The following CACNA2D1 variants were observed in gnomAD, a reference collection of about 807,000 sequenced individuals.
CACNA2D1 encodes calcium voltage-gated channel auxiliary subunit alpha2delta 1, also known as voltage-dependent calcium channel subunit alpha-2/delta-1.
Under a neutral mutation model 171.5 loss-of-function variants are expected in CACNA2D1, and 53 were observed. That is an observed-to-expected ratio of 0.31 (90% confidence interval 0.25 to 0.39). CACNA2D1 has a LOEUF of 0.39. Ranked by LOEUF, CACNA2D1 falls within the 10% of genes least tolerant of loss-of-function variation. CACNA2D1 has a pLI of 1.00. For synonymous variants in CACNA2D1, 442 were observed against 443.1 expected (o/e 1.00, Z 0.03); for missense variants, 903 against 1,299.8 (o/e 0.69, Z 4.69).
At chr7:82,127,434 A>C (rs1467020222) in intron 5 of CACNA2D1, among the ~76,000 whole-genome samples, 1 of 152,226 alleles carries the variant, frequency 6.6e-6, no homozygotes, top group African/African-American at 2.4e-5. Flanking sequence ...CTTCACAAAC[A>C]CTATGAAAAT....
intron 3 of CACNA2D1, among the ~76,000 whole-genome samples, chr7:82,209,133 C>T (rs1800308878): frequency 6.6e-6 from 1 of 152,150 alleles, no homozygotes; most frequent in African/African-American, 2.4e-5. Flanking sequence ...TGCAAACATA[C>T]ACACAGAGAG....
At chr7:82,185,501 AGGGGG>A in intron 3 of CACNA2D1, among the ~76,000 whole-genome samples, 1 of 7,350 alleles carries the variant, frequency 1.4e-4, no homozygotes, top group Admixed American at 1.8e-3. Flanking sequence ...GGGGGAGGGG[AGGGGG>A]AGGGGGAGGA....
At chr7:82,207,098 C>A (rs765068791) in intron 3 of CACNA2D1, among the ~76,000 whole-genome samples, 5 of 152,176 alleles carry the variant, frequency 3.3e-5, no homozygotes, top group Non-Finnish European at 5.9e-5. Flanking sequence ...ATGGGAGTAT[C>A]CCTGGCCCCA....
At chr7:82,411,647 C>A (rs1034098954) in intron 1 of CACNA2D1, among the ~76,000 whole-genome samples, 1 of 152,064 alleles carries the variant, frequency 6.6e-6, no homozygotes, top group South Asian at 2.1e-4. Flanking sequence ...TACAGGTATG[C>A]GGACACCTTG....
chr7:82,132,561 C>A (rs759288715), intron 5 of CACNA2D1, among the ~76,000 whole-genome samples: 1 of 152,148 alleles, frequency 6.6e-6, no homozygotes, highest in Non-Finnish European at 1.5e-5. Context: ...TTGCCTCTCT[C>A]CTCTAATCTA....
At chr7:82,184,223 T>A (rs1797442589) in intron 3 of CACNA2D1, among the ~76,000 whole-genome samples, 1 of 151,016 alleles carries the variant, frequency 6.6e-6, no homozygotes, top group Non-Finnish European at 1.5e-5. Context: ...TATCACATTC[T>A]GTGGCAAAGA....
intron 21 of CACNA2D1, 40 bp downstream of exon 21, chr7:81,991,145 C>T: frequency 1.0e-6 from 1 of 953,974 alleles, no homozygotes; most frequent in Non-Finnish European, 1.7e-6. Flanking sequence ...TAATATTAAT[C>T]CATTGGAATA....
chr7:82,285,920 T>C (rs549288162), intron 3 of CACNA2D1, among the ~76,000 whole-genome samples: 1 of 152,254 alleles, frequency 6.6e-6, no homozygotes, highest in East Asian at 1.9e-4. Context: ...TATTTGTAGA[T>C]CAATGATTAA....
Position 82,005,464 on chromosome 7 carries a change from G to T in CACNA2D1, c.1549C>A (p.Pro517Thr). 6.3e-7 allele frequency: 1 copy of T among 1,593,412 alleles called. No homozygotes were observed. Among genetic ancestry groups the T allele is most frequent in the Non-Finnish European group, 8.6e-7 (1 of 1,167,660 alleles). ...CPNGYYFAID[P>T]NGYVLLHPNL... is the part of the protein sequence containing the mutation. ...GGATGTAATAAAACATAACCATTAG[G>T]ATCGATTGCAAAGTAATACCCATTG... is the stretch of plus-strand genomic sequence containing the variant. The change falls in exon 18 of 39, where the codon CCT becomes ACT. Residue 517 changes from proline (P) to threonine (T), a missense_variant. Around this residue, in one of 5 missense-constraint regions of CACNA2D1, gnomAD observed 623 missense variants for 925.5 expected, o/e 0.67. Transcript: ENST00000356860.
Position 82,011,998 on chromosome 7 carries a change from G to A in CACNA2D1, c.1362+156C>T, listed in dbSNP as rs1022982905. ...ACTACATACGAGTCTATGTTTTTAT[G>A]TAAATTATATAAATTCTAGGAAAGA... On this transcript the variant is annotated intron_variant, in intron 15 of 38. Transcript: ENST00000356860. 4.1e-5 allele frequency: 27 copies of A among 651,728 alleles called. No individual in the cohort carries two copies. In the Admixed American group the frequency reaches 4.7e-4, roughly 11 times the overall value. The allele number at this position is 651,728 out of a possible 1,614,324, so 40.4% of individuals were successfully genotyped here.
intron 4 of CACNA2D1, among the ~76,000 whole-genome samples, chr7:82,152,211 C>T (rs990922331): frequency 3.3e-5 from 5 of 151,792 alleles, no homozygotes; most frequent in Admixed American, 6.6e-5. Context: ...ATGAAAACCA[C>T]ATTTATATTA....
chr7:82,114,218 C>G (rs939222082), intron 6 of CACNA2D1, among the ~76,000 whole-genome samples: 1 of 151,992 alleles, frequency 6.6e-6, no homozygotes, highest in Non-Finnish European at 1.5e-5. Flanking sequence ...AATTTACGTT[C>G]AAATTTGTGA....
intron 6 of CACNA2D1, among the ~76,000 whole-genome samples, chr7:82,089,441 C>G (rs1042893724): frequency 1.3e-5 from 2 of 152,138 alleles, no homozygotes; most frequent in Admixed American, 6.5e-5. Flanking sequence ...ATGTCCAAGG[C>G]CAAGCCTACT....
chr7:82,005,286 C>T, intron 18 of CACNA2D1, 137 bp downstream of exon 18: 1 of 677,828 alleles, frequency 1.5e-6, no homozygotes, highest in South Asian at 1.7e-5. Context: ...TCCTTGTCAT[C>T]TAAGAAGAGA....
chr7:82,417,817 G>T (rs1334234502), intron 1 of CACNA2D1, among the ~76,000 whole-genome samples: 1 of 152,142 alleles, frequency 6.6e-6, no homozygotes, highest in Non-Finnish European at 1.5e-5. Flanking sequence ...CTATAAAAAG[G>T]GGGAGATCAG....
chr7:82,245,685 C>CACTCACACACAT (rs1554479450), intron 3 of CACNA2D1, among the ~76,000 whole-genome samples: 1 of 151,818 alleles, frequency 6.6e-6, no homozygotes, highest in African/African-American at 2.4e-5. Flanking sequence ...CACACACACA[C>CACTCACACACAT]ACAGAATTTA....
At chr7:82,000,697 A>G (rs987825749) in intron 18 of CACNA2D1, among the ~76,000 whole-genome samples, 1 of 148,824 alleles carries the variant, frequency 6.7e-6, no homozygotes, top group African/African-American at 2.5e-5. Flanking sequence ...TACTGGGTCC[A>G]AGCGATTCTG....
chr7:82,187,898 A>T (rs764216442), intron 3 of CACNA2D1, among the ~76,000 whole-genome samples: 4 of 152,170 alleles, frequency 2.6e-5, no homozygotes, highest in Non-Finnish European at 5.9e-5. Flanking sequence ...TTTCTGGTTC[A>T]TAGGCATACA....
chr7:82,283,444 T>A (rs1490964813), intron 3 of CACNA2D1, among the ~76,000 whole-genome samples: 4 of 152,254 alleles, frequency 2.6e-5, no homozygotes, highest in Admixed American at 2.6e-4. Context: ...AGCATAGATA[T>A]TTATTCAAGT....
Sources: allele counts gnomAD v4.1 joint callset (sites outside exome capture counted in the v4.1 genomes callset), GRCh38; gene constraint gnomAD v4.1.1; regional missense constraint gnomAD v4.1.1; transcripts MANE v1.5; gene names NCBI Gene and HGNC (gene_info 2026-07-23, HGNC 2026-07-21).